EIF3H: variants seen among roughly 807,000 people sequenced by gnomAD.
The protein encoded by EIF3H is eIF-3-gamma.
A neutral mutation model predicts 44.2 loss-of-function variants in EIF3H; 26 were observed. The ratio of observed to expected loss-of-function variants is 0.59; its 90% confidence interval spans 0.43 to 0.82. EIF3H has a LOEUF of 0.82. Ranked by LOEUF, EIF3H falls within the 40% of genes least tolerant of loss-of-function variation. The pLI, the probability that EIF3H is intolerant of heterozygous loss-of-function variation, is 0.00. For synonymous variants in EIF3H, 166 were observed against 151.9 expected (o/e 1.09, Z -0.68); for missense variants, 359 against 432.8 (o/e 0.83, Z 1.51).
At chr8:116,714,124 A>T (rs1814620946) in intron 2 of EIF3H, among the ~76,000 whole-genome samples, 1 of 152,130 alleles carries the variant, frequency 6.6e-6, no homozygotes. Flanking sequence ...AACAATAAAG[A>T]TGTCAAATAA....
intron 2 of EIF3H, among the ~76,000 whole-genome samples, chr8:116,669,980 G>C (rs940323976): frequency 2.6e-5 from 4 of 152,126 alleles, no homozygotes; most frequent in Non-Finnish European, 2.9e-5. Flanking sequence ...TGATCAAGCA[G>C]AAACCTTCAT....
chr8:116,709,991 A>G (rs187353541), intron 2 of EIF3H, among the ~76,000 whole-genome samples: 1 of 152,266 alleles, frequency 6.6e-6, no homozygotes, highest in Admixed American at 6.5e-5. Context: ...GTTACAAAGG[A>G]GTCACTAACT....
At chr8:116,685,062 G>C (rs1405520254) in intron 2 of EIF3H, among the ~76,000 whole-genome samples, 3 of 152,248 alleles carry the variant, frequency 2.0e-5, no homozygotes, top group East Asian at 3.9e-4. Flanking sequence ...ATAAAATGTA[G>C]CTGTAGCACA....
intron 2 of EIF3H, among the ~76,000 whole-genome samples, chr8:116,675,428 G>T (rs181094209): frequency 6.6e-6 from 1 of 152,136 alleles, no homozygotes; most frequent in East Asian, 1.9e-4. Context: ...CCTGTGCATT[G>T]TAAGATGTTT....
At chr8:116,688,474 CAA>C (rs994219235) in intron 2 of EIF3H, among the ~76,000 whole-genome samples, 12 of 152,038 alleles carry the variant, frequency 7.9e-5, no homozygotes, top group Non-Finnish European at 1.6e-4. Context: ...AACCCACAAA[CAA>C]TGCTGAGTAA....
At chr8:116,713,173 A>G (rs1471780375) in intron 2 of EIF3H, among the ~76,000 whole-genome samples, 1 of 152,136 alleles carries the variant, frequency 6.6e-6, no homozygotes, top group African/African-American at 2.4e-5. Context: ...TAAGGATTAC[A>G]TTTTTAGACT....
At chr8:116,740,517 C>T (rs1036740488) in intron 1 of EIF3H, among the ~76,000 whole-genome samples, 3 of 152,092 alleles carry the variant, frequency 2.0e-5, no homozygotes, top group Admixed American at 2.0e-4. Context: ...TTTTCAGCAG[C>T]AGGGCCCACT....
chr8:116,705,202 T>C (rs1350855628), intron 2 of EIF3H, among the ~76,000 whole-genome samples: 3 of 152,214 alleles, frequency 2.0e-5, no homozygotes, highest in African/African-American at 7.2e-5. Context: ...TCATATGATA[T>C]TTGTAAAAAG....
chr8:116,712,025 G>C (rs1814579652), intron 2 of EIF3H, among the ~76,000 whole-genome samples: 1 of 152,186 alleles, frequency 6.6e-6, no homozygotes, highest in Non-Finnish European at 1.5e-5. Flanking sequence ...AAAGCAAAAA[G>C]GAGACACTAA....
chr8:116,726,625 T>C (rs1814845663), intron 1 of EIF3H, among the ~76,000 whole-genome samples: 1 of 152,156 alleles, frequency 6.6e-6, no homozygotes, highest in African/African-American at 2.4e-5. Context: ...AAATTCTCAT[T>C]TTGCCTTTCT....
At chr8:116,738,090 T>A (rs1815073455) in intron 1 of EIF3H, among the ~76,000 whole-genome samples, 1 of 150,858 alleles carries the variant, frequency 6.6e-6, no homozygotes, top group Non-Finnish European at 1.5e-5. Flanking sequence ...CCTTTATACA[T>A]CTGCATTTTA....
At chr8:116,654,592 GA>G (rs1470703976) in intron 5 of EIF3H, among the ~76,000 whole-genome samples, 2 of 152,126 alleles carry the variant, frequency 1.3e-5, no homozygotes, top group Non-Finnish European at 2.9e-5. Flanking sequence ...AAGCAATAAA[GA>G]AAAATATGAC....
At chr8:116,707,244 T>C (rs139603571) in intron 2 of EIF3H, among the ~76,000 whole-genome samples, 3 of 152,346 alleles carry the variant, frequency 2.0e-5, no homozygotes, top group Non-Finnish European at 4.4e-5. Context: ...TCCACATACG[T>C]ATTACACTGA....
At chr8:116,678,274 C>T (rs1329178200) in intron 2 of EIF3H, among the ~76,000 whole-genome samples, 35 of 152,138 alleles carry the variant, frequency 2.3e-4, no homozygotes, top group African/African-American at 8.4e-4. Flanking sequence ...GGATTGCAGA[C>T]GGAGTCTCGT....
chr8:116,679,471 G>A (rs1285760011), intron 2 of EIF3H, among the ~76,000 whole-genome samples: 10 of 27,692 alleles, frequency 3.6e-4, no homozygotes, highest in African/African-American at 3.5e-4. Flanking sequence ...GCCTCTGCCC[G>A]GCCGCCCCTA....
At chr8:116,700,679 T>C (rs1415692251) in intron 2 of EIF3H, among the ~76,000 whole-genome samples, 2 of 152,204 alleles carry the variant, frequency 1.3e-5, no homozygotes, top group Non-Finnish European at 2.9e-5. Context: ...ATTTATATAG[T>C]TTGATCAGGG....
intron 2 of EIF3H, among the ~76,000 whole-genome samples, chr8:116,712,661 G>A (rs182623892): frequency 5.3e-5 from 8 of 152,176 alleles, no homozygotes; most frequent in African/African-American, 7.2e-5. Flanking sequence ...GGTAAGCCAC[G>A]AAGAATAATC....
chr8:116,752,783 GGGAGGGAGGGAGGGAA>G (rs1468221198), intron 1 of EIF3H, among the ~76,000 whole-genome samples: 7,601 of 35,918 alleles, frequency 0.21, 872 homozygotes, highest in Admixed American at 0.3. Flanking sequence ...GAGGGAGGGA[GGGAGGGAGGGAGGGAA>G]GGAAGGAAGG....
intron 2 of EIF3H, among the ~76,000 whole-genome samples, chr8:116,702,962 T>G (rs542384561): frequency 1.6e-4 from 24 of 152,218 alleles, no homozygotes; most frequent in Non-Finnish European, 3.4e-4. Flanking sequence ...ATAAGGAATG[T>G]GCAGCCTAGA....
Sources: gnomAD v4.1 joint callset for allele counts (sites outside exome capture counted in the v4.1 genomes callset) on GRCh38, gnomAD v4.1.1 for gene constraint, MANE v1.5 for transcripts, NCBI Gene and HGNC (gene_info 2026-07-23, HGNC 2026-07-21) for gene names.